Variants in PAN3 observed in about 807,000 individuals in gnomAD.
PAN3 encodes PAN2-PAN3 deadenylation complex subunit PAN3.
A neutral mutation model predicts 96.2 loss-of-function variants in PAN3; 19 were observed. The ratio of observed to expected loss-of-function variants is 0.20; its 90% CI spans 0.14 to 0.29. The LOEUF is 0.29. PAN3 is among the 10% of genes least tolerant of loss of function. PAN3 has a pLI of 1.00. For synonymous variants in PAN3, 433 were observed against 406.6 expected, an observed-to-expected ratio of 1.06 and a Z score of -0.78; for missense variants, 882 against 1,108.1, an observed-to-expected ratio of 0.80 and a Z score of 2.90.
chr13:28,160,219 G>A (rs1593381990), intron 1 of PAN3, among the ~76,000 whole-genome samples: 1 of 152,178 alleles, frequency 6.6e-6, no homozygotes. Flanking sequence ...TGGGATTACA[G>A]GCATGAGCCA....
At chr13:28,151,026 T>C (rs1480021065) in intron 1 of PAN3, among the ~76,000 whole-genome samples, 1 of 152,090 alleles carries the variant, frequency 6.6e-6, no homozygotes, top group African/African-American at 2.4e-5. Flanking sequence ...GAAATAGGGA[T>C]ATCAAGGTAA....
intron 1 of PAN3, among the ~76,000 whole-genome samples, chr13:28,157,031 A>G (rs1340373078): frequency 1.3e-5 from 2 of 148,240 alleles, no homozygotes; most frequent in Non-Finnish European, 3.0e-5. Context: ...CTAAATCACC[A>G]TGAACAAGTA....
intron 4 of PAN3, among the ~76,000 whole-genome samples, chr13:28,189,294 G>A (rs1009832949): frequency 1.1e-4 from 17 of 152,124 alleles, no homozygotes; most frequent in Non-Finnish European, 1.8e-4. Flanking sequence ...ACGCCGGGTG[G>A]ATCATGAAGT....
At chr13:28,257,537 A>C (rs933948856) in intron 7 of PAN3, among the ~76,000 whole-genome samples, 7 of 148,618 alleles carry the variant, frequency 4.7e-5, no homozygotes, top group African/African-American at 1.7e-4. Flanking sequence ...ATTTACACCC[A>C]CTCCCCATTG....
chr13:28,267,747 C>G (rs1443779563), intron 12 of PAN3, among the ~76,000 whole-genome samples: 1 of 152,092 alleles, frequency 6.6e-6, no homozygotes, highest in African/African-American at 2.4e-5. Flanking sequence ...TCTCATGAGA[C>G]CTATTCACTA....
intron 5 of PAN3, among the ~76,000 whole-genome samples, chr13:28,208,107 G>A (rs868672830): frequency 2.0e-5 from 3 of 151,942 alleles, no homozygotes; most frequent in Admixed American, 1.3e-4. Context: ...AAATATCAAC[G>A]TGGAAAATAT....
chr13:28,212,847 A>T (rs1415249388), intron 5 of PAN3, among the ~76,000 whole-genome samples: 2 of 152,224 alleles, frequency 1.3e-5, no homozygotes, highest in Admixed American at 1.3e-4. Flanking sequence ...TAATATCCTT[A>T]TAATTGGAGT....
At chr13:28,287,386 C>T (rs888338070) in intron 17 of PAN3, among the ~76,000 whole-genome samples, 2 of 152,152 alleles carry the variant, frequency 1.3e-5, no homozygotes, top group East Asian at 1.9e-4. Flanking sequence ...TAGATAAATT[C>T]ATCTTCGTTT....
At chr13:28,178,912 C>T (rs1043450815) in intron 4 of PAN3, among the ~76,000 whole-genome samples, 1 of 151,656 alleles carries the variant, frequency 6.6e-6, no homozygotes, top group African/African-American at 2.4e-5. Flanking sequence ...ATATGTATAG[C>T]GTTTTACATG....
chr13:28,223,947 C>G (rs910227639), intron 6 of PAN3, among the ~76,000 whole-genome samples: 1 of 137,142 alleles, frequency 7.3e-6, no homozygotes, highest in African/African-American at 2.9e-5. Context: ...TGGCTCATTC[C>G]AAGCTCGGCC....
rs1259777926 is a variant in PAN3, at chr13:28,271,976, T to C, written c.1959-5T>C. Reference sequence around the variant, plus strand: ...TATTTTCTTTAAATTATCTGGTCCTTAAAGGTTGCGAGTAAATTGTGTTGG... The same window carrying C: ...TATTTTCTTTAAATTATCTGGTCCTCAAAGGTTGCGAGTAAATTGTGTTGG... On this transcript the variant is annotated splice_region_variant and splice_polypyrimidine_tract_variant and intron_variant, in intron 13 of 18. Coordinates refer to ENST00000380958, the MANE Select transcript of PAN3 (RefSeq NM_175854.8). 4.5e-6 allele frequency: 7 copies of C among 1,541,338 alleles called. No individual in the cohort carries two copies. The highest frequency in any genetic ancestry group is 1.8e-4 in the Middle Eastern group (1 of 5,674).
intron 5 of PAN3, among the ~76,000 whole-genome samples, chr13:28,206,912 C>A (rs555818883): frequency 2.0e-5 from 3 of 151,838 alleles, no homozygotes; most frequent in African/African-American, 7.2e-5. Context: ...ATACTTTTTT[C>A]CCCTCCTAGT....
chr13:28,269,597 G>A (rs1012834409), intron 12 of PAN3, among the ~76,000 whole-genome samples: 4 of 151,680 alleles, frequency 2.6e-5, no homozygotes, highest in Non-Finnish European at 5.9e-5. Flanking sequence ...CTGGCACACA[G>A]TAAGCACTAT....
chr13:28,234,714 A>G (rs900791717), intron 6 of PAN3, among the ~76,000 whole-genome samples: 3 of 152,070 alleles, frequency 2.0e-5, no homozygotes, highest in African/African-American at 7.2e-5. Context: ...TAAACTGATC[A>G]TCTTCCTCTT....
At chr13:28,198,367 A>G (rs553574575) in intron 5 of PAN3, among the ~76,000 whole-genome samples, 4 of 152,306 alleles carry the variant, frequency 2.6e-5, no homozygotes, top group Admixed American at 1.3e-4. Context: ...AAGATGCTTC[A>G]TATGTTGTCT....
At chr13:28,179,485 C>T (rs572358815) in intron 4 of PAN3, among the ~76,000 whole-genome samples, 73 of 152,186 alleles carry the variant, frequency 4.8e-4, no homozygotes, top group African/African-American at 1.7e-3. Context: ...GAGGCCAAGG[C>T]GGGAGAATTG....
At chr13:28,231,917 A>T (rs889524072) in intron 6 of PAN3, among the ~76,000 whole-genome samples, 2 of 152,184 alleles carry the variant, frequency 1.3e-5, no homozygotes, top group African/African-American at 2.4e-5. Context: ...ATGAAAATAA[A>T]TAAATAAATA....
intron 1 of PAN3, among the ~76,000 whole-genome samples, chr13:28,155,595 A>G (rs926915169): frequency 6.6e-6 from 1 of 152,154 alleles, no homozygotes; most frequent in African/African-American, 2.4e-5. Context: ...TCTCGAAAAA[A>G]AATAAAAATT....
intron 6 of PAN3, among the ~76,000 whole-genome samples, chr13:28,229,159 C>G (rs1646789887): frequency 6.6e-6 from 1 of 152,198 alleles, no homozygotes; most frequent in South Asian, 2.1e-4. Flanking sequence ...CATTTCCCAG[C>G]CTCCTTTAGA....
Sources: allele counts gnomAD v4.1 joint callset (sites outside exome capture counted in the v4.1 genomes callset), GRCh38; gene constraint gnomAD v4.1.1; transcripts MANE v1.5; gene names NCBI Gene and HGNC (gene_info 2026-07-23, HGNC 2026-07-21).